Variants in FSTL5 observed in about 807,000 individuals in gnomAD.
FSTL5 encodes the protein follistatin-related protein 5.
FSTL5 carries 62 observed loss-of-function variants against 89.1 expected under a neutral mutation model. That is an observed-to-expected ratio of 0.70 (90% confidence interval 0.57 to 0.86). The LOEUF is 0.86. Ranked by LOEUF, FSTL5 falls within the 40% of genes least tolerant of loss-of-function variation. FSTL5 has a pLI of 0.00. For missense variants in FSTL5, 1,057 were observed against 1,001.6 expected, an observed-to-expected ratio of 1.06 and a Z score of -0.75; for synonymous variants, 383 against 346.2, an observed-to-expected ratio of 1.11 and a Z score of -1.18.
chr4:161,947,496 G>A (rs909115408), intron 3 of FSTL5, among the ~76,000 whole-genome samples: 6 of 151,838 alleles, frequency 4.0e-5, no homozygotes, highest in Non-Finnish European at 8.8e-5. Flanking sequence ...TTTTAAATAC[G>A]TTCCTTTTCT....
intron 8 of FSTL5, among the ~76,000 whole-genome samples, chr4:161,551,966 A>G (rs192471528): frequency 3.3e-5 from 5 of 152,168 alleles, no homozygotes; most frequent in African/African-American, 9.6e-5. Flanking sequence ...CAATGGCAAC[A>G]AAAGACAAAA....
rs149038252 is a variant in FSTL5 at position 161,795,976 on chromosome 4, CTT to C, written c.410-19904_410-19903del. Among the ~76,000 whole-genome samples the C allele has an allele frequency of 7.6e-3, 1,150 of 151,934 alleles. 13 individuals are homozygous for C. Among genetic ancestry groups the C allele is most frequent in the African/African-American group, 0.026 (1,079 of 41,516 alleles). On this transcript the variant is annotated intron_variant, in intron 4 of 15. Transcript: ENST00000306100. Reference sequence around the variant, plus strand: ...TAGAAATCTTTGTGTTGTAAACCCTCTTTGAAAACCTACATATGCACAGCCAA... The same window carrying C: ...TAGAAATCTTTGTGTTGTAAACCCTCTGAAAACCTACATATGCACAGCCAA...
intron 3 of FSTL5, among the ~76,000 whole-genome samples, chr4:161,945,834 C>T (rs759938818): frequency 6.6e-6 from 1 of 152,220 alleles, no homozygotes; most frequent in Non-Finnish European, 1.5e-5. Flanking sequence ...TCAGGTGATA[C>T]ACACCTTAAA....
At chr4:161,615,293 C>CAAGAAAAAAAAAAAAA (rs1734815271) in intron 7 of FSTL5, among the ~76,000 whole-genome samples, 1 of 26,456 alleles carries the variant, frequency 3.8e-5, no homozygotes, top group Non-Finnish European at 7.1e-5. Context: ...GACTCTGTCT[C>CAAGAAAAAAAAAAAAA]AAAAAAAAAA....
intron 7 of FSTL5, among the ~76,000 whole-genome samples, chr4:161,595,948 C>T (rs1458647439): frequency 6.6e-6 from 1 of 151,922 alleles, no homozygotes; most frequent in East Asian, 1.9e-4. Context: ...TTGATATACA[C>T]TGACATTAAA....
At chr4:161,432,837 C>T (rs1006746832) in intron 15 of FSTL5, among the ~76,000 whole-genome samples, 4 of 151,754 alleles carry the variant, frequency 2.6e-5, no homozygotes, top group African/African-American at 7.2e-5. Flanking sequence ...CTAAAAGAAA[C>T]GGATACATTC....
chr4:162,109,380 C>T (rs1731349495), intron 2 of FSTL5, among the ~76,000 whole-genome samples: 1 of 152,038 alleles, frequency 6.6e-6, no homozygotes, highest in African/African-American at 2.4e-5. Flanking sequence ...CACACACATT[C>T]ACCAAATCTC....
At chr4:161,500,189 C>T (rs1730248919) in intron 11 of FSTL5, 55 bp from the exon 12 acceptor site, 11 of 1,202,594 alleles carry the variant, frequency 9.1e-6, no homozygotes, top group Non-Finnish European at 1.3e-5. Context: ...TAAACCTTTA[C>T]AACCAAAATT....
At chr4:161,501,903 T>G (rs1730305417) in intron 11 of FSTL5, among the ~76,000 whole-genome samples, 1 of 152,040 alleles carries the variant, frequency 6.6e-6, no homozygotes, top group Admixed American at 6.6e-5. Flanking sequence ...CATTAACATA[T>G]AAATAACTAT....
At chr4:161,782,708 T>A (rs753516911) in intron 4 of FSTL5, among the ~76,000 whole-genome samples, 3 of 152,188 alleles carry the variant, frequency 2.0e-5, no homozygotes, top group Non-Finnish European at 4.4e-5. Context: ...GAGTTAAAAA[T>A]TCATTCCCCA....
intron 4 of FSTL5, among the ~76,000 whole-genome samples, chr4:161,878,555 A>G (rs963670102): frequency 2.0e-5 from 3 of 152,108 alleles, no homozygotes; most frequent in African/African-American, 4.8e-5. Context: ...GTTTATTTAC[A>G]TTTCATATCC....
At chr4:161,984,366 A>G (rs1735906289) in intron 3 of FSTL5, among the ~76,000 whole-genome samples, 1 of 151,976 alleles carries the variant, frequency 6.6e-6, no homozygotes, top group Non-Finnish European at 1.5e-5. Context: ...TTTGTACATA[A>G]ATTATATATA....
chr4:162,153,745 A>AATATATGTATATATGTATATATGT lies in FSTL5; in HGVS notation c.-17+9869_-17+9870insACATATATACATATATACATATAT, dbSNP rs1561049116. 1.2e-3 allele frequency among the ~76,000 whole-genome samples: 136 copies of AATATATGTATATATGTATATATGT among 109,730 alleles called. 2 individuals carry two copies. Among genetic ancestry groups the AATATATGTATATATGTATATATGT allele is most frequent in the African/African-American group, 3.4e-3 (106 of 30,744 alleles). 72.0% of individuals were successfully genotyped at this position (109,730 alleles called of 152,430 possible). A position where few individuals can be genotyped will look rare whatever the true frequency, so the allele number is the denominator to read the frequency against. On this transcript the variant is annotated intron_variant, in intron 1 of 15. Coordinates refer to ENST00000306100, the MANE Select transcript of FSTL5 (RefSeq NM_020116.5). ...TAATATATGTATATATGTATATAAT[A>AATATATGTATATATGTATATATGT]ATATACATGTATATATACATGTATA...
intron 15 of FSTL5, among the ~76,000 whole-genome samples, chr4:161,431,980 A>C (rs1732395170): frequency 6.6e-6 from 1 of 152,148 alleles, no homozygotes; most frequent in Non-Finnish European, 1.5e-5. Flanking sequence ...ATATTATTAG[A>C]TCTAAAAAGA....
intron 4 of FSTL5, among the ~76,000 whole-genome samples, chr4:161,832,182 C>A (rs1178911475): frequency 6.6e-6 from 1 of 152,000 alleles, no homozygotes; most frequent in African/African-American, 2.4e-5. Context: ...CAATGACTAA[C>A]GAAGTTCCCA....
At chr4:161,459,061 C>CTT (rs74436859) in intron 14 of FSTL5, 151 bp downstream of exon 14, 10 of 513,412 alleles carry the variant, frequency 1.9e-5, no homozygotes, top group South Asian at 3.2e-5. Flanking sequence ...TGAATGCCAA[C>CTT]TTTTTTGCCT....
chr4:161,648,747 C>T (rs1736236400), intron 7 of FSTL5, among the ~76,000 whole-genome samples: 1 of 152,018 alleles, frequency 6.6e-6, no homozygotes, highest in African/African-American at 2.4e-5. Context: ...AATCTATGCA[C>T]TGAAGGGCCC....
intron 5 of FSTL5, among the ~76,000 whole-genome samples, chr4:161,766,943 GA>G (rs2126796156): frequency 6.6e-6 from 1 of 151,812 alleles, no homozygotes; most frequent in African/African-American, 2.4e-5. Flanking sequence ...TAGATAGATA[GA>G]TAGATAGATA....
At chr4:161,744,828 G>A (rs1740140816) in intron 6 of FSTL5, among the ~76,000 whole-genome samples, 1 of 151,766 alleles carries the variant, frequency 6.6e-6, no homozygotes. Flanking sequence ...TTTTATTTAT[G>A]TGGTGACAGT....
Sources: gnomAD v4.1 joint callset for allele counts (sites outside exome capture counted in the v4.1 genomes callset) on GRCh38, gnomAD v4.1.1 for gene constraint, MANE v1.5 for transcripts, NCBI Gene and HGNC (gene_info 2026-07-23, HGNC 2026-07-21) for gene names.